SLCO4A1: variants seen among roughly 807,000 people sequenced by gnomAD.
SLCO4A1 encodes colon organic anion transporter.
Under a neutral mutation model 64.6 loss-of-function variants are expected in SLCO4A1, and 51 were observed. The ratio of observed to expected loss-of-function variants is 0.79; its 90% confidence interval spans 0.63 to 1.00. The LOEUF (loss-of-function observed/expected upper bound fraction) is 1.00. SLCO4A1 is among the 50% of genes least tolerant of loss of function. SLCO4A1 has a pLI of 0.00. For synonymous variants in SLCO4A1, 471 were observed against 444.9 expected, an observed-to-expected ratio of 1.06 and a Z score of -0.74; for missense variants, 919 against 980.5, an observed-to-expected ratio of 0.94 and a Z score of 0.84.
At chr20:62,666,644 G>A (rs1986402196) in intron 7 of SLCO4A1, 69 bp downstream of exon 7, 1 of 1,361,112 alleles carries the variant, frequency 7.3e-7, no homozygotes, top group African/African-American at 1.4e-5. Flanking sequence ...GCATGGAGGA[G>A]GAGTGGTGCA....
Position 62,656,662 on chromosome 20 carries a change from C to A in SLCO4A1, c.208C>A (p.Arg70=). The change falls in exon 2 of 12, where the codon CGG becomes AGG. Residue 70 remains arginine, a synonymous_variant. Transcript: ENST00000217159. ...CQLWAEKHGA[R]GTHEVRYVSA... ...GCTCTGGGCCGAGAAGCATGGCGCC[C>A]GGGGGACCCATGAGGTGCGGTACGT... is the stretch of plus-strand genomic sequence containing the variant. The A allele has an allele frequency of 6.2e-7, 1 of 1,604,840 alleles. No individual in the cohort carries two copies.
At chr20:62,673,492 A>T (rs1276940521), downstream of SLCO4A1, among the ~76,000 whole-genome samples, 4 of 143,618 alleles carry the variant, frequency 2.8e-5, no homozygotes, top group Middle Eastern at 7.1e-3. Context: ...ACTGGGACAC[A>T]CTTCCAACAA....
chr20:62,675,442 T>TC (rs1987545248), downstream of SLCO4A1, among the ~76,000 whole-genome samples: 1 of 152,048 alleles, frequency 6.6e-6, no homozygotes, highest in Non-Finnish European at 1.5e-5. Flanking sequence ...TCTGCTGCCC[T>TC]CGCCTCGATC....
rs1555914360 is a variant in SLCO4A1, at chr20:62,661,029, A to AGCCCCCAGCCCCCC, written c.1010-23_1010-22insCCGCCCCCAGCCCC. The AGCCCCCAGCCCCCC allele has an allele frequency of 2.3e-5, 11 of 468,416 alleles. No homozygotes were observed. Among genetic ancestry groups the AGCCCCCAGCCCCCC allele is most frequent in the South Asian group, 1.5e-4 (10 of 64,882 alleles). The allele number at this position is 468,416 out of a possible 1,614,324, so 29.0% of individuals were successfully genotyped here. A position where few individuals can be genotyped will look rare whatever the true frequency, so the allele number is the denominator to read the frequency against. ...GAGAAGTCCACCTCCGGGAGCCCCC[A>AGCCCCCAGCCCCCC]GCCCCCAGCCCCAGCTCACTCTGTG... On this transcript the variant is annotated intron_variant, in intron 4 of 11. Coordinates refer to ENST00000217159, the MANE Select transcript of SLCO4A1 (RefSeq NM_016354.4). The surrounding 1 kb of genome is among the most constrained non-coding windows in gnomAD (Gnocchi z 5.2).
At chr20:62,683,287 G>A (rs1987916518) in intron 2 of SLCO4A1, among the ~76,000 whole-genome samples, 1 of 151,940 alleles carries the variant, frequency 6.6e-6, no homozygotes, top group Non-Finnish European at 1.5e-5. Flanking sequence ...GGGCTCTCGG[G>A]AGCGGCCGTG....
At chr20:62,676,867 C>T (rs554745005), downstream of SLCO4A1, among the ~76,000 whole-genome samples, 8 of 152,322 alleles carry the variant, frequency 5.3e-5, no homozygotes, top group African/African-American at 1.7e-4. Flanking sequence ...TTGCTCATAA[C>T]AGTCAAAAAG....
Position 62,656,589 on chromosome 20 carries a change from C to G in SLCO4A1, c.135C>G (p.Arg45=). The change falls in exon 2 of 12, where the codon CGC becomes CGG. Residue 45 remains arginine, a synonymous_variant. Coordinates refer to ENST00000217159, the MANE Select transcript of SLCO4A1 (RefSeq NM_016354.4). ...PGTPLSPGSL[R]SAAHSPLDTS... ...CACCCCTGAGCCCCGGCTCCCTCCG[C>G]TCCGCTGCCCATAGCCCCCTGGACA... The G allele has an allele frequency of 1.3e-6, 2 of 1,594,746 alleles. No homozygotes were observed. Among genetic ancestry groups the G allele is most frequent in the Non-Finnish European group, 1.7e-6 (2 of 1,173,734 alleles).
Position 62,661,040 on chromosome 20 carries a change from C to CCCCCCCCCCCCCCCCACACA in SLCO4A1, c.1010-23_1010-22insCCCCCCCCCCCCCCACACAC. On this transcript the variant is annotated intron_variant, in intron 4 of 11. Transcript: ENST00000217159. This position sits in a 1 kb window ranked among gnomAD's most constrained non-coding sequence, Gnocchi z 5.2. ...CTCCGGGAGCCCCCAGCCCCCAGCC[C>CCCCCCCCCCCCCCCCACACA]CAGCTCACTCTGTGCCCTTCCAGGC... 2 of 1,395,920 alleles carry CCCCCCCCCCCCCCCCACACA rather than the reference C, an allele frequency of 1.4e-6. No individual in the cohort carries two copies. The highest frequency in any genetic ancestry group is 2.0e-6 in the Non-Finnish European group (2 of 984,524). The allele number at this position is 1,395,920 out of a possible 1,614,324, so 86.5% of individuals were successfully genotyped here.
At chr20:62,649,766 C>T (rs1569118004) in intron 1 of SLCO4A1, 2 of 152,604 alleles carry the variant, frequency 1.3e-5, no homozygotes, top group Admixed American at 6.5e-5. Flanking sequence ...CCACAACTGC[C>T]TTTCAGCCTC....
At chr20:62,643,167 G>T in intron 1 of SLCO4A1, 1 of 357,806 alleles carries the variant, frequency 2.8e-6, no homozygotes. Context: ...AGCAGCGGCG[G>T]CGCCCCTTTC....
rs116710018 is a variant in SLCO4A1, at chr20:62,667,304, C to T, written c.1473-441C>T. On this transcript the variant is annotated intron_variant, in intron 7 of 11. Transcript: ENST00000217159. ...GAGAAGTGCAGATGTTTGTGACTGC[C>T]GAGGGGCGTGTACGTGCAGACGACC... Among the ~76,000 whole-genome samples, 630 of 152,290 alleles carry T rather than the reference C, an allele frequency of 4.1e-3. 6 individuals carry two copies. The highest frequency in any genetic ancestry group is 0.013 in the African/African-American group (554 of 41,554).
At chr20:62,657,941 C>T (rs1188308856) in intron 2 of SLCO4A1, among the ~76,000 whole-genome samples, 5 of 152,244 alleles carry the variant, frequency 3.3e-5, no homozygotes, top group African/African-American at 9.6e-5. Context: ...AGCTCACTGC[C>T]CTGGGGCAGC....
At chr20:62,679,545 T>C (rs889553603) in intron 2 of SLCO4A1, among the ~76,000 whole-genome samples, 1 of 152,084 alleles carries the variant, frequency 6.6e-6, no homozygotes, top group Non-Finnish European at 1.5e-5. Context: ...GTATTTTTTG[T>C]AGATAGGGTG....
chr20:62,656,316 C>T (rs116125013), intron 1 of SLCO4A1, 43 bp from the exon 2 acceptor site: 207 of 700,834 alleles, frequency 3.0e-4, no homozygotes, highest in Admixed American at 2.5e-3. Context: ...GTGCTGTACC[C>T]GTGGAGAGAC....
In SLCO4A1 at chr20:62,656,728, G is replaced by A. The variant is rs756108073; in HGVS notation, c.274G>A (p.Ala92Thr). 2.5e-5 allele frequency: 41 copies of A among 1,611,138 alleles called. No homozygotes were observed. The highest frequency in any genetic ancestry group is 3.3e-5 in the South Asian group (3 of 90,858). The stretch of plus-strand genomic sequence containing the variant: ...CGTGGCGTGCGGCTGGTGGGCCTTC[G>A]CACCGCCGTGCCTGCAGGTCCTCAA... ...QSVACGWWAF[A>T]PPCLQVLNTP... is the part of the protein sequence containing the mutation. Residue 92 changes from alanine to threonine, a missense_variant, in exon 2 of 12, where the codon GCA (alanine) becomes ACA (threonine). By Grantham distance (58) the Ala-to-Thr change is moderately conservative. Coordinates refer to ENST00000217159, the MANE Select transcript of SLCO4A1 (RefSeq NM_016354.4).
intron 5 of SLCO4A1, among the ~76,000 whole-genome samples, chr20:62,664,266 A>G (rs1985651879): frequency 1.3e-5 from 2 of 152,120 alleles, no homozygotes. Flanking sequence ...CACCACCCCC[A>G]GGGCCACTGG....
Position 62,669,010 on chromosome 20 carries a change from G to A in SLCO4A1, c.1957G>A (p.Gly653Ser). Reference protein sequence around the residue: ...LLWQDQCGQQGSCLVYQNSAM... With the variant: ...LLWQDQCGQQSSCLVYQNSAM... ...GTGGCAGGACCAGTGTGGCCAGCAG[G>A]GCTCCTGCTTGGTGTACCAGAATTC... The change falls in exon 11 of 12, where the codon GGC becomes AGC. Residue 653 changes from glycine (G) to serine (S), a missense_variant. Physicochemically the swap from Gly to Ser is moderately conservative, Grantham distance 56. Transcript: ENST00000217159. 1 of 1,611,154 alleles carries A rather than the reference G, an allele frequency of 6.2e-7. No individual in the cohort carries two copies. Among genetic ancestry groups the A allele is most frequent in the South Asian group, 1.1e-5 (1 of 91,082 alleles).
intron 1 of SLCO4A1, 111 bp from the exon 2 acceptor site, chr20:62,656,248 G>A (rs1336671322): frequency 3.7e-6 from 2 of 543,548 alleles, no homozygotes; most frequent in East Asian, 3.0e-5. Context: ...TTGAGACAAG[G>A]CAGGCAGAGC....
At chr20:62,675,770 G>A (rs1987562438), downstream of SLCO4A1, among the ~76,000 whole-genome samples, 1 of 152,214 alleles carries the variant, frequency 6.6e-6, no homozygotes, top group East Asian at 1.9e-4. Flanking sequence ...ATACGCCCTC[G>A]GCTGCATGCT....
Sources: gnomAD v4.1 joint callset for allele counts (sites outside exome capture counted in the v4.1 genomes callset) on GRCh38, gnomAD v4.1.1 for gene constraint, Gnocchi (gnomAD v3.1) non-coding constraint, MANE v1.5 for transcripts, NCBI Gene and HGNC (gene_info 2026-07-23, HGNC 2026-07-21) for gene names.